The following CDH18 variants were observed in gnomAD, a reference collection of about 807,000 sequenced individuals.
CDH18 encodes cadherin 18, also known as cadherin-18.
CDH18 carries 31 observed loss-of-function variants against 67.9 expected under a neutral mutation model. The observed-to-expected ratio is 0.46, with a 90% CI of 0.34 to 0.62. CDH18 has a LOEUF of 0.62. Among genes scored for constraint, CDH18 ranks in the 20% least tolerant of loss-of-function variants. CDH18 has a pLI of 0.01. For missense variants in CDH18, 890 were observed against 975.5 expected (o/e 0.91, Z 1.17); for synonymous variants, 362 against 347.2 (o/e 1.04, Z -0.48).
chr5:19,494,145 G>T (rs190376841), intron 11 of CDH18, among the ~76,000 whole-genome samples: 2 of 152,052 alleles, frequency 1.3e-5, no homozygotes, highest in East Asian at 3.9e-4. Context: ...CATCTGTCAA[G>T]TTAGAAGATT....
intron 2 of CDH18, among the ~76,000 whole-genome samples, chr5:19,881,507 T>C (rs1374090250): frequency 7.9e-6 from 1 of 125,934 alleles, no homozygotes; most frequent in Non-Finnish European, 1.7e-5. Context: ...CTTCAAGTGC[T>C]TTTTTTTTTT....
In CDH18 at chr5:20,229,732, G is replaced by A. The variant is rs79173918; in HGVS notation, c.-518+25712C>T. Among the ~76,000 whole-genome samples, 1,365 of 150,246 alleles carry A rather than the reference G, an allele frequency of 9.1e-3. 103 individuals carry two copies. The East Asian group carries it at 0.2, about 22-fold the overall frequency. On this transcript the variant is annotated intron_variant, in intron 2 of 14. Coordinates refer to the CDH18 transcript ENST00000507958. ...TTTTTTAATTTTTGCCTTCTTTTTT[G>A]GACTAGATTCTTTTTTCTTCCTTAG...
chr5:19,667,810 CT>C (rs1443616661), intron 5 of CDH18, among the ~76,000 whole-genome samples: 2 of 151,778 alleles, frequency 1.3e-5, no homozygotes, highest in Non-Finnish European at 2.9e-5. Context: ...TTCTAACCTT[CT>C]GATATACCAA....
At position 20,231,606 on chromosome 5, in the gene CDH18, G is replaced by GA. The variant is rs1418858526; in HGVS notation, c.-518+23837dup. ...CAAGAGTGAAACTCCATCTCAAAAA[G>GA]AAAAAAAAAGAAAAGAAAAGAAAAG... On this transcript the variant is annotated intron_variant, in intron 2 of 14. Transcript: ENST00000507958. Among the ~76,000 whole-genome samples, 830 of 136,940 alleles carry GA rather than the reference G, an allele frequency of 6.1e-3. 8 individuals are homozygous for GA. Among genetic ancestry groups the GA allele is most frequent in the African/African-American group, 0.021 (788 of 37,072 alleles). The allele number at this position is 136,940 out of a possible 152,430, so 89.8% of individuals were successfully genotyped here.
chr5:20,542,344 G>A (rs563177557), intron 1 of CDH18, among the ~76,000 whole-genome samples: 2 of 151,520 alleles, frequency 1.3e-5, no homozygotes, highest in Non-Finnish European at 2.9e-5. Context: ...ATTATTAGAT[G>A]AGAGGAAGAA....
At chr5:19,982,797 C>T (rs1799184334) in intron 1 of CDH18, among the ~76,000 whole-genome samples, 1 of 152,082 alleles carries the variant, frequency 6.6e-6, no homozygotes, top group Non-Finnish European at 1.5e-5. Context: ...GTAATCCCAG[C>T]ACTTTGGGAG....
At chr5:19,527,901 AT>A (rs1160624798) in intron 9 of CDH18, among the ~76,000 whole-genome samples, 1 of 151,720 alleles carries the variant, frequency 6.6e-6, no homozygotes, top group Non-Finnish European at 1.5e-5. Flanking sequence ...TATATCATTA[AT>A]ATTATTACCT....
chr5:19,943,023 G>T (rs1419204461), intron 2 of CDH18, among the ~76,000 whole-genome samples: 1 of 152,122 alleles, frequency 6.6e-6, no homozygotes. Context: ...GCCTCTTTGA[G>T]CTTAGTTCTA....
chr5:20,238,505 G>C (rs1742644684), intron 2 of CDH18, among the ~76,000 whole-genome samples: 1 of 152,024 alleles, frequency 6.6e-6, no homozygotes, highest in East Asian at 1.9e-4. Flanking sequence ...ACTGCAACGA[G>C]ATACTTTTAC....
chr5:19,720,826 T>C (rs1352276223), intron 5 of CDH18, among the ~76,000 whole-genome samples: 1 of 152,166 alleles, frequency 6.6e-6, no homozygotes, highest in Non-Finnish European at 1.5e-5. Flanking sequence ...GGCTGAATAA[T>C]TTACTCATTA....
chr5:20,341,155 T>C (rs918153621), intron 1 of CDH18, among the ~76,000 whole-genome samples: 5 of 152,126 alleles, frequency 3.3e-5, no homozygotes, highest in African/African-American at 7.2e-5. Flanking sequence ...CTTGATTGGA[T>C]TGAAGGATGC....
intron 1 of CDH18, among the ~76,000 whole-genome samples, chr5:20,286,483 TA>T (rs1187032760): frequency 7.3e-4 from 111 of 151,864 alleles, no homozygotes; most frequent in Non-Finnish European, 1.5e-4. Flanking sequence ...AAAAAGAACA[TA>T]TGATATTGAA....
intron 1 of CDH18, among the ~76,000 whole-genome samples, chr5:20,285,979 T>C (rs1561940269): frequency 1.3e-5 from 2 of 151,706 alleles, no homozygotes; most frequent in Non-Finnish European, 3.0e-5. Context: ...AGTGTTTTAC[T>C]GTCAGCAACA....
chr5:19,905,483 T>C (rs956153904), intron 2 of CDH18, among the ~76,000 whole-genome samples: 4 of 151,736 alleles, frequency 2.6e-5, no homozygotes, highest in Non-Finnish European at 5.9e-5. Context: ...TTAGATCATA[T>C]CCAATTCATT....
rs115104078 is a variant in CDH18 at position 19,531,359 on chromosome 5, C to T, written c.1391-10581G>A. Among the ~76,000 whole-genome samples the T allele has an allele frequency of 7.8e-3, 1,183 of 152,048 alleles. 10 individuals are homozygous for T. The highest frequency in any genetic ancestry group is 0.025 in the South Asian group (120 of 4,808). ...TGCAGATGGCACATGAAAATATTTT[C>T]AACATCATTTCTCTGTGGTGAAATG... On this transcript the variant is annotated intron_variant, in intron 9 of 12. Coordinates refer to ENST00000382275, the MANE Select transcript of CDH18 (RefSeq NM_004934.5).
At chr5:20,552,183 A>G (rs1188755689) in intron 1 of CDH18, among the ~76,000 whole-genome samples, 1 of 152,144 alleles carries the variant, frequency 6.6e-6, no homozygotes, top group Non-Finnish European at 1.5e-5. Context: ...TCATTAAAAA[A>G]AAAAAGCATT....
At chr5:20,023,658 CAAAAA>C (rs58583654) in intron 2 of CDH18, among the ~76,000 whole-genome samples, 4 of 83,998 alleles carry the variant, frequency 4.8e-5, no homozygotes, top group Admixed American at 1.3e-4. Flanking sequence ...GACTCCGTCT[CAAAAA>C]AAAAAAAAAA....
chr5:20,126,459 G>A (rs1748836206), intron 2 of CDH18, among the ~76,000 whole-genome samples: 1 of 152,132 alleles, frequency 6.6e-6, no homozygotes, highest in Non-Finnish European at 1.5e-5. Flanking sequence ...AAGTAGAGAG[G>A]TGGGATAACA....
intron 2 of CDH18, among the ~76,000 whole-genome samples, chr5:20,067,324 T>C (rs935852500): frequency 6.6e-6 from 1 of 151,146 alleles, no homozygotes; most frequent in Non-Finnish European, 1.5e-5. Context: ...AATATCTGAA[T>C]TCATACTAGA....
Sources: gnomAD v4.1 joint callset for allele counts (sites outside exome capture counted in the v4.1 genomes callset) on GRCh38, gnomAD v4.1.1 for gene constraint, MANE v1.5 for transcripts, NCBI Gene and HGNC (gene_info 2026-07-23, HGNC 2026-07-21) for gene names.